PRIM2: variants seen among roughly 807,000 people sequenced by gnomAD.
PRIM2 encodes DNA primase subunit 2.
A neutral mutation model predicts 67.3 loss-of-function variants in PRIM2; 39 were observed. The observed-to-expected ratio is 0.58, with a 90% confidence interval of 0.45 to 0.76. The LOEUF (loss-of-function observed/expected upper bound fraction) is 0.76. Among genes scored for constraint, PRIM2 ranks in the 30% least tolerant of loss-of-function variants. The pLI is 0.00. For missense variants in PRIM2, 398 were observed against 598.7 expected, an observed-to-expected ratio of 0.66 and a Z score of 3.50; for synonymous variants, 143 against 198.7, an observed-to-expected ratio of 0.72 and a Z score of 2.36.
the PRIM2 span, among the ~76,000 whole-genome samples, chr6:57,240,150 A>T: frequency 7.4e-6 from 1 of 135,636 alleles, no homozygotes; most frequent in East Asian, 2.2e-4. Flanking sequence ...CCCAGGCTGG[A>T]GTGCAATGGC....
chr6:57,278,506 T>C, the PRIM2 span, among the ~76,000 whole-genome samples: 1 of 152,244 alleles, frequency 6.6e-6, no homozygotes, highest in Non-Finnish European at 1.5e-5. Flanking sequence ...CACACTATTC[T>C]GTTGAAAATT....
intron 10 of PRIM2, among the ~76,000 whole-genome samples, chr6:57,549,666 T>C (rs1356501224): frequency 6.6e-6 from 1 of 152,254 alleles, no homozygotes; most frequent in Non-Finnish European, 1.5e-5. Flanking sequence ...AATATATTTG[T>C]AAACTTGTTA....
At chr6:57,337,699 G>A (rs1474678613) in intron 5 of PRIM2, among the ~76,000 whole-genome samples, 2 of 152,072 alleles carry the variant, frequency 1.3e-5, no homozygotes, top group East Asian at 1.9e-4. Context: ...TCTCTGGGAC[G>A]CATTCAAAGC....
At chr6:57,340,322 G>C (rs1236228625) in intron 5 of PRIM2, among the ~76,000 whole-genome samples, 1 of 152,182 alleles carries the variant, frequency 6.6e-6, no homozygotes, top group Non-Finnish European at 1.5e-5. Context: ...TCTAGAACTA[G>C]AAGTACCATT....
chr6:57,256,339 A>T, the PRIM2 span, among the ~76,000 whole-genome samples: 1 of 152,086 alleles, frequency 6.6e-6, no homozygotes, highest in African/African-American at 2.4e-5. Context: ...TATATTATGT[A>T]TTATCTTCAT....
chr6:57,539,962 C>G (rs1354129117), intron 10 of PRIM2, among the ~76,000 whole-genome samples: 1 of 151,090 alleles, frequency 6.6e-6, no homozygotes, highest in Non-Finnish European at 1.5e-5. Flanking sequence ...CCACTGCACT[C>G]CAGCCTGAGT....
At chr6:57,459,657 G>A (rs1337091026) in intron 7 of PRIM2, among the ~76,000 whole-genome samples, 1 of 152,292 alleles carries the variant, frequency 6.6e-6, no homozygotes, top group East Asian at 1.9e-4. Flanking sequence ...CATAGGGAAG[G>A]CCTCCATGCA....
the PRIM2 span, among the ~76,000 whole-genome samples, chr6:57,242,165 A>G: frequency 5.3e-4 from 80 of 152,308 alleles, 1 homozygote; most frequent in South Asian, 5.0e-3. Flanking sequence ...CAATATCTGG[A>G]ACACAGCTTG....
intron 7 of PRIM2, among the ~76,000 whole-genome samples, chr6:57,488,850 C>A (rs2127408762): frequency 6.6e-6 from 1 of 152,320 alleles, no homozygotes; most frequent in East Asian, 1.9e-4. Flanking sequence ...GTGCCCTCAT[C>A]CCCTCGTGCT....
chr6:57,363,657 C>T (rs1769264032), intron 5 of PRIM2, among the ~76,000 whole-genome samples: 1 of 152,046 alleles, frequency 6.6e-6, no homozygotes, highest in South Asian at 2.1e-4. Context: ...AAGACAGCCA[C>T]CCTGCTCTTA....
intron 8 of PRIM2, among the ~76,000 whole-genome samples, chr6:57,519,530 C>A (rs1554348663): frequency 1.3e-5 from 2 of 152,198 alleles, no homozygotes; most frequent in Admixed American, 1.3e-4. Flanking sequence ...GGCTCTGTTC[C>A]GCCCGGCTCA....
intron 5 of PRIM2, among the ~76,000 whole-genome samples, chr6:57,365,866 T>C (rs1769338443): frequency 7.1e-6 from 1 of 141,362 alleles, no homozygotes; most frequent in Non-Finnish European, 1.5e-5. Context: ...TTTGGGAGGC[T>C]GAGGCAGGAG....
At chr6:57,299,426 C>G in the PRIM2 span, among the ~76,000 whole-genome samples, 2 of 152,150 alleles carry the variant, frequency 1.3e-5, no homozygotes, top group African/African-American at 2.4e-5. Context: ...ATGGTTCTTT[C>G]TTTTTCTCCT....
At chr6:57,565,605 G>A (rs1775721521) in intron 10 of PRIM2, among the ~76,000 whole-genome samples, 6 of 152,138 alleles carry the variant, frequency 3.9e-5, no homozygotes, top group Admixed American at 3.9e-4. Context: ...CATCAAATTG[G>A]GTGCTGCCCT....
At chr6:57,240,668 T>C in the PRIM2 span, among the ~76,000 whole-genome samples, 1 of 152,114 alleles carries the variant, frequency 6.6e-6, no homozygotes, top group Admixed American at 6.5e-5. Flanking sequence ...GACTCCTGAA[T>C]GGCTGTCTCC....
intron 8 of PRIM2, among the ~76,000 whole-genome samples, chr6:57,523,345 G>A (rs1299055443): frequency 6.6e-5 from 10 of 151,498 alleles, no homozygotes; most frequent in African/African-American, 2.4e-4. Flanking sequence ...CATGACTCTC[G>A]AATTCTGAAA....
At chr6:57,571,423 G>A (rs2127481560) in intron 10 of PRIM2, among the ~76,000 whole-genome samples, 1 of 152,290 alleles carries the variant, frequency 6.6e-6, no homozygotes, top group East Asian at 1.9e-4. Context: ...GCCAAGGTGG[G>A]CAGATCGCTT....
chr6:57,568,184 G>A (rs1272336861), intron 10 of PRIM2, among the ~76,000 whole-genome samples: 1 of 152,048 alleles, frequency 6.6e-6, no homozygotes, highest in Non-Finnish European at 1.5e-5. Context: ...CTTTGTATTT[G>A]ACCACATAAA....
the PRIM2 span, among the ~76,000 whole-genome samples, chr6:57,229,742 G>A: frequency 6.6e-6 from 1 of 152,126 alleles, no homozygotes; most frequent in Non-Finnish European, 1.5e-5. Flanking sequence ...CGTGCACCTT[G>A]GCCTCCCAAA....
Sources: allele counts gnomAD v4.1 joint callset (sites outside exome capture counted in the v4.1 genomes callset), GRCh38; gene constraint gnomAD v4.1.1; transcripts MANE v1.5; gene names NCBI Gene and HGNC (gene_info 2026-07-23, HGNC 2026-07-21).